RRBP1: variants seen among roughly 807,000 people sequenced by gnomAD.
RRBP1 encodes the protein ribosome-binding protein 1.
RRBP1 carries 94 observed loss-of-function variants against 165.2 expected under a neutral mutation model. That is an observed-to-expected ratio of 0.57 (90% CI 0.48 to 0.68). RRBP1 has a LOEUF of 0.68. Ranked by LOEUF, RRBP1 falls within the 30% of genes least tolerant of loss-of-function variation. The probability of loss-of-function intolerance (pLI) is 0.00; values close to 1 mark genes in which losing one functional copy is unlikely to be tolerated. For missense variants in RRBP1, 1,676 were observed against 1,763.0 expected, an observed-to-expected ratio of 0.95 and a Z score of 0.88; for synonymous variants, 680 against 714.5, an observed-to-expected ratio of 0.95 and a Z score of 0.77.
chr20:17,653,728 G>C (rs1033016786), intron 3 of RRBP1, among the ~76,000 whole-genome samples: 2 of 152,066 alleles, frequency 1.3e-5, no homozygotes, highest in East Asian at 3.9e-4. Flanking sequence ...CAGCTACTTG[G>C]GAGGCTGAGG....
intron 3 of RRBP1, among the ~76,000 whole-genome samples, chr20:17,644,152 A>T (rs1267167753): frequency 1.3e-5 from 2 of 152,188 alleles, no homozygotes; most frequent in Non-Finnish European, 2.9e-5. Flanking sequence ...TACAAGTCAA[A>T]GCATTTGGCA....
In RRBP1 at chr20:17,627,417, G is replaced by C. The variant is rs1397340171; in HGVS notation, c.2929-35C>G. On this transcript the variant is annotated intron_variant, in intron 10 of 24. Coordinates refer to ENST00000377813, the MANE Select transcript of RRBP1 (RefSeq NM_001365613.2). ...GAGACAAAAGCTCCTTGGTCTCCAG[G>C]AGACTCATCTCACGCAGCGGGGCTA... 4 of 1,613,392 alleles carry C rather than the reference G, an allele frequency of 2.5e-6. No homozygotes were observed. In the African/African-American group the frequency reaches 4.0e-5, roughly 16 times the overall value.
chr20:17,616,149 G>T, intron 21 of RRBP1, 140 bp from the exon 22 acceptor site: 1 of 689,750 alleles, frequency 1.4e-6, no homozygotes, highest in Non-Finnish European at 2.4e-6. Flanking sequence ...TGGGGAGAGG[G>T]CACCTCAGCC....
intron 13 of RRBP1, among the ~76,000 whole-genome samples, chr20:17,623,750 G>A (rs767201844): frequency 6.6e-6 from 1 of 152,112 alleles, no homozygotes; most frequent in Non-Finnish European, 1.5e-5. Flanking sequence ...AAGCCAACAT[G>A]GCAAAACCCC....
intron 3 of RRBP1, among the ~76,000 whole-genome samples, chr20:17,648,807 C>T (rs188437106): frequency 2.0e-5 from 3 of 152,138 alleles, no homozygotes; most frequent in Non-Finnish European, 4.4e-5. Context: ...TTTAAAAGAA[C>T]GACAATTCCT....
At chr20:17,618,494 GCTTTAT>G (rs1374072872) in intron 20 of RRBP1, 96 bp downstream of exon 20, 8 of 963,792 alleles carry the variant, frequency 8.3e-6, no homozygotes, top group East Asian at 2.4e-5. Flanking sequence ...CCTTCCCTAG[GCTTTAT>G]CTTTGAGTGG....
chr20:17,642,870 G>T (rs950463589), intron 4 of RRBP1, 109 bp downstream of exon 4: 9 of 1,222,418 alleles, frequency 7.4e-6, no homozygotes, highest in Non-Finnish European at 1.0e-5. Flanking sequence ...CCAGGAAAGA[G>T]AAGTGGAGGC....
chr20:17,659,821 G>A lies in RRBP1; in HGVS notation c.687C>T (p.Gly229=). The A allele has an allele frequency of 6.4e-7, 1 of 1,550,932 alleles. No homozygotes were observed. Among genetic ancestry groups the A allele is most frequent in the South Asian group, 1.2e-5 (1 of 84,048 alleles). The change falls in exon 3 of 25, where the codon GGC becomes GGT. Residue 229 remains glycine, a synonymous_variant. Coordinates refer to ENST00000377813, the MANE Select transcript of RRBP1 (RefSeq NM_001365613.2). ...GRKAEGTPNQ[G]KKTEGTPNQG... The stretch of plus-strand genomic sequence containing the variant: ...GGTTTGGGGTTCCCTCTGTCTTTTT[G>A]CCCTGGTTTGGGGTTCCCTCTGCCT...
At chr20:17,619,777 CAAAGG>C (rs1440057507) in intron 18 of RRBP1, 49 bp from the exon 19 acceptor site, 2 of 1,395,156 alleles carry the variant, frequency 1.4e-6, no homozygotes, top group Non-Finnish European at 9.9e-7. Flanking sequence ...AGCCTCTGCT[CAAAGG>C]GCACTCACCT....
chr20:17,649,622 G>A (rs898597822), intron 3 of RRBP1, among the ~76,000 whole-genome samples: 4 of 151,964 alleles, frequency 2.6e-5, no homozygotes, highest in Admixed American at 6.6e-5. Context: ...GGAGCAAGGG[G>A]TGTTCCCATC....
chr20:17,672,796 G>A (rs920541070), intron 2 of RRBP1, among the ~76,000 whole-genome samples: 1 of 152,164 alleles, frequency 6.6e-6, no homozygotes, highest in Non-Finnish European at 1.5e-5. Flanking sequence ...TTCACATGCT[G>A]GAATAGTGAG....
rs6044918 is a variant in RRBP1 at position 17,632,762 on chromosome 20, A to G, written c.2610+698T>C. 9.3e-3 allele frequency among the ~76,000 whole-genome samples: 1,414 copies of G among 152,304 alleles called. 16 individuals carry two copies. Among genetic ancestry groups the G allele is most frequent in the African/African-American group, 0.031 (1,276 of 41,582 alleles). On this transcript the variant is annotated intron_variant, in intron 8 of 24. Coordinates refer to ENST00000377813, the MANE Select transcript of RRBP1 (RefSeq NM_001365613.2). ...CCTATGTGGGGTCCACCTGCCCAAC[A>G]CAGGCCAGCAGACGGATGGGAATTC...
At chr20:17,681,865 G>A (rs970954257) in intron 1 of RRBP1, among the ~76,000 whole-genome samples, 163 bp downstream of exon 1, 1 of 148,072 alleles carries the variant, frequency 6.8e-6, no homozygotes, top group African/African-American at 2.4e-5. Flanking sequence ...GTCCGACCCC[G>A]ACCCCGATGG....
chr20:17,642,194 T>C (rs2036376329), intron 4 of RRBP1, among the ~76,000 whole-genome samples: 1 of 152,198 alleles, frequency 6.6e-6, no homozygotes, highest in Non-Finnish European at 1.5e-5. Flanking sequence ...TGCCAGCTCC[T>C]CTGAGGGGCA....
intron 5 of RRBP1, among the ~76,000 whole-genome samples, chr20:17,638,041 A>G (rs993529904): frequency 6.6e-6 from 1 of 152,198 alleles, no homozygotes; most frequent in Admixed American, 6.5e-5. Flanking sequence ...TACAAGACCA[A>G]GGGGTTCCCA....
chr20:17,623,944 A>AT (rs1555812262), intron 13 of RRBP1, among the ~76,000 whole-genome samples: 1 of 151,630 alleles, frequency 6.6e-6, no homozygotes, highest in Admixed American at 6.6e-5. Flanking sequence ...AAAAAAAAAA[A>AT]GTCTCCTCAC....
In RRBP1 at chr20:17,660,407, T is replaced by C; in HGVS notation, c.101A>G (p.Lys34Arg). ...GIFLVSTFSM[K>R]ETSYEEALAN... ...TAGGGCTTCTTCATATGACGTTTCC[T>C]TCATGGAGAAAGTCGACACCAGGAA... Residue 34 changes from lysine to arginine, a missense_variant, in exon 3 of 25, where the codon AAG becomes AGG. This residue lies in a region of RRBP1 where 392 missense variants were observed against 382.5 expected (regional missense o/e 1.02). Coordinates refer to ENST00000377813, the MANE Select transcript of RRBP1 (RefSeq NM_001365613.2). 1.2e-6 allele frequency: 2 copies of C among 1,614,162 alleles called. No individual in the cohort carries two copies. The highest frequency in any genetic ancestry group is 1.7e-6 in the Non-Finnish European group (2 of 1,180,024).
intron 9 of RRBP1, among the ~76,000 whole-genome samples, chr20:17,628,728 C>T (rs2036084332): frequency 6.6e-6 from 1 of 152,278 alleles, no homozygotes; most frequent in African/African-American, 2.4e-5. Flanking sequence ...CTGGCCTCTG[C>T]CATGCATCCC....
rs191291155 is a variant in RRBP1 at position 17,653,660 on chromosome 20, C to T, written c.1912+4936G>A. ...AGACCAGCTGCCAACATGGTGAAAC[C>T]CCATCTCTACTAAAAATACAAAAAT... On this transcript the variant is annotated intron_variant, in intron 3 of 24. Transcript: ENST00000377813. 4.3e-3 allele frequency among the ~76,000 whole-genome samples: 658 copies of T among 152,204 alleles called. 1 individual carries two copies. The highest frequency in any genetic ancestry group is 6.7e-3 in the Non-Finnish European group (453 of 68,008).
Sources: gnomAD v4.1 joint callset for allele counts (sites outside exome capture counted in the v4.1 genomes callset) on GRCh38, gnomAD v4.1.1 for gene constraint, gnomAD v4.1.1 regional missense constraint, MANE v1.5 for transcripts, NCBI Gene and HGNC (gene_info 2026-07-23, HGNC 2026-07-21) for gene names.